The following MAML2 variants were observed in gnomAD, a reference collection of about 807,000 sequenced individuals.
MAML2 encodes the protein mastermind-like protein 2.
A neutral mutation model predicts 96.1 loss-of-function variants in MAML2; 22 were observed. The observed-to-expected ratio is 0.23, with a 90% CI of 0.16 to 0.33. MAML2 has a LOEUF of 0.33. Among genes scored for constraint, MAML2 ranks in the 10% least tolerant of loss-of-function variants. The pLI is 1.00. For synonymous variants in MAML2, 561 were observed against 521.3 expected, an observed-to-expected ratio of 1.08 and a Z score of -1.04; for missense variants, 1,367 against 1,392.4, an observed-to-expected ratio of 0.98 and a Z score of 0.29.
At chr11:96,220,859 G>T (rs1372496211) in intron 1 of MAML2, among the ~76,000 whole-genome samples, 1 of 152,034 alleles carries the variant, frequency 6.6e-6, no homozygotes, top group East Asian at 1.9e-4. Context: ...TCATCAAACT[G>T]AAAGGAGGAT....
intron 1 of MAML2, among the ~76,000 whole-genome samples, chr11:96,253,354 C>T (rs999831040): frequency 2.0e-5 from 3 of 152,076 alleles, no homozygotes; most frequent in Non-Finnish European, 4.4e-5. Context: ...GGAATATAGA[C>T]ATTAAATTGA....
chr11:96,044,724 C>T (rs921537614), intron 2 of MAML2, among the ~76,000 whole-genome samples: 1 of 152,136 alleles, frequency 6.6e-6, no homozygotes, highest in Non-Finnish European at 1.5e-5. Flanking sequence ...AAAAAGAGGT[C>T]CATTGGCAAG....
intron 1 of MAML2, among the ~76,000 whole-genome samples, chr11:96,229,359 T>G (rs1182131988): frequency 1.3e-5 from 2 of 151,814 alleles, no homozygotes; most frequent in Non-Finnish European, 2.9e-5. Context: ...CTAATTAATT[T>G]TCTTCTGAAA....
intron 2 of MAML2, among the ~76,000 whole-genome samples, chr11:96,089,331 C>A (rs755918054): frequency 6.6e-6 from 1 of 152,266 alleles, no homozygotes; most frequent in Non-Finnish European, 1.5e-5. Context: ...AGTTGCTTCC[C>A]AAAATTAACA....
chr11:96,245,836 C>A (rs1862504470), intron 1 of MAML2, among the ~76,000 whole-genome samples: 1 of 151,802 alleles, frequency 6.6e-6, no homozygotes, highest in Admixed American at 6.6e-5. Flanking sequence ...TCCTGAGTAG[C>A]TGGGATTACA....
chr11:96,084,010 G>T (rs1197099411), intron 2 of MAML2, among the ~76,000 whole-genome samples: 1 of 152,204 alleles, frequency 6.6e-6, no homozygotes, highest in African/African-American at 2.4e-5. Flanking sequence ...AAGCTGAGTA[G>T]ATCAGAAGTG....
chr11:96,134,027 G>T (rs1860587444), intron 1 of MAML2, among the ~76,000 whole-genome samples: 1 of 151,974 alleles, frequency 6.6e-6, no homozygotes, highest in Non-Finnish European at 1.5e-5. Context: ...ACAGAAAAAA[G>T]AAAGAAAGAA....
At chr11:96,150,563 A>T (rs1860902975) in intron 1 of MAML2, among the ~76,000 whole-genome samples, 1 of 152,218 alleles carries the variant, frequency 6.6e-6, no homozygotes. Context: ...AGGAAATTGC[A>T]AGTAGTTCAG....
chr11:95,980,873 C>A (rs1200549720), intron 4 of MAML2, among the ~76,000 whole-genome samples: 1 of 152,216 alleles, frequency 6.6e-6, no homozygotes, highest in East Asian at 1.9e-4. Flanking sequence ...AGACAAGGGT[C>A]TCCCCCACGC....
chr11:96,137,516 C>A (rs1365731471), intron 1 of MAML2, among the ~76,000 whole-genome samples: 1 of 152,204 alleles, frequency 6.6e-6, no homozygotes, highest in Non-Finnish European at 1.5e-5. Context: ...CTGGACAACA[C>A]ATGTACTGGG....
intron 1 of MAML2, among the ~76,000 whole-genome samples, chr11:96,222,738 G>C (rs1862158625): frequency 6.6e-6 from 1 of 151,996 alleles, no homozygotes; most frequent in South Asian, 2.1e-4. Flanking sequence ...CAATTCCTAT[G>C]GCCCTTAAAG....
At chr11:96,013,513 C>A (rs191803026) in intron 2 of MAML2, among the ~76,000 whole-genome samples, 2 of 152,186 alleles carry the variant, frequency 1.3e-5, no homozygotes, top group African/African-American at 2.4e-5. Context: ...TCCACTCCAA[C>A]GACCTAGGTG....
In MAML2 at chr11:95,979,055, G is replaced by C; in HGVS notation, c.3364C>G (p.Leu1122Val). The change falls in exon 5 of 5, where the codon CTA becomes GTA. Residue 1122 changes from leucine to valine, a missense_variant. Coordinates refer to ENST00000524717, the MANE Select transcript of MAML2 (RefSeq NM_032427.4). The stretch of plus-strand genomic sequence containing the variant: ...TCAATGAAATCAGCATCACTGTTTA[G>C]GGCAGGGCCCATGTTATCATTTTGT... Reference protein sequence around the residue: ...SQQNDNMGPALNSDADFIDSL... With the variant: ...SQQNDNMGPAVNSDADFIDSL... 6.2e-7 allele frequency: 1 copy of C among 1,613,958 alleles called. No individual in the cohort carries two copies. Among genetic ancestry groups the C allele is most frequent in the Non-Finnish European group, 8.5e-7 (1 of 1,179,888 alleles).
chr11:95,978,756 C>T lies in MAML2; in HGVS notation c.*192G>A. On this transcript the variant is annotated 3_prime_UTR_variant, in exon 5 of 5. Transcript: ENST00000524717. ...AGGGAAAAGTGATCCCAATATTTTA[C>T]TTTCAGGTGTAAGATTTAAAACAAG... 1 of 576,704 alleles carries T rather than the reference C, an allele frequency of 1.7e-6. No homozygotes were observed. Among genetic ancestry groups the T allele is most frequent in the Non-Finnish European group, 3.0e-6 (1 of 334,344 alleles). The allele number at this position is 576,704 out of a possible 1,614,324, so 35.7% of individuals were successfully genotyped here.
At chr11:95,986,177 G>C (rs1444749358) in intron 3 of MAML2, among the ~76,000 whole-genome samples, 1 of 151,988 alleles carries the variant, frequency 6.6e-6, no homozygotes, top group Non-Finnish European at 1.5e-5. Context: ...AGAACATGTA[G>C]GTATTCTGTA....
At chr11:95,985,697 A>C in intron 3 of MAML2, 55 bp from the exon 4 acceptor site, 1 of 1,191,846 alleles carries the variant, frequency 8.4e-7, no homozygotes, top group Non-Finnish European at 1.2e-6. Flanking sequence ...TTCACTTGTG[A>C]AAATACATGT....
Position 96,092,007 on chromosome 11 carries a change from G to A in MAML2, c.2024C>T (p.Pro675Leu). 1 of 1,577,976 alleles carries A rather than the reference G, an allele frequency of 6.3e-7. No individual in the cohort carries two copies. Among genetic ancestry groups the A allele is most frequent in the South Asian group, 1.2e-5 (1 of 86,218 alleles). The stretch of plus-strand genomic sequence containing the variant: ...AGGTGACCTTAGCAAAGGCTGGCTT[G>A]GTAGAGATTGGGCAGGCTGAGAAGA... ...QPSSQPAQSL[P>L]SQPLLRSPLP... The change falls in exon 2 of 5, where the codon CCA becomes CTA. Residue 675 changes from proline (P) to leucine (L), a missense_variant. Pro to Leu is a moderately conservative substitution (Grantham distance 98). Transcript: ENST00000524717. The surrounding 1 kb of genome is among the most constrained non-coding windows in gnomAD (Gnocchi z 4.1).
chr11:96,298,419 T>C (rs138577609), intron 1 of MAML2, among the ~76,000 whole-genome samples: 1 of 152,282 alleles, frequency 6.6e-6, no homozygotes, highest in African/African-American at 2.4e-5. Context: ...AAGGTTAGCC[T>C]TGAACCAGAA....
chr11:96,067,616 C>A (rs1859265684), intron 2 of MAML2, among the ~76,000 whole-genome samples: 1 of 151,542 alleles, frequency 6.6e-6, no homozygotes. Context: ...ATCTTTTAAA[C>A]CTGTCATTGG....
Sources: allele counts gnomAD v4.1 joint callset (sites outside exome capture counted in the v4.1 genomes callset), GRCh38; gene constraint gnomAD v4.1.1; non-coding constraint Gnocchi (gnomAD v3.1); transcripts MANE v1.5; gene names NCBI Gene and HGNC (gene_info 2026-07-23, HGNC 2026-07-21).